Variants in PTPRT observed in about 807,000 individuals in gnomAD.
PTPRT encodes protein tyrosine phosphatase receptor type T, also known as receptor-type tyrosine-protein phosphatase T.
A neutral mutation model predicts 176.8 loss-of-function variants in PTPRT; 56 were observed. The ratio of observed to expected loss-of-function variants is 0.32; its 90% CI spans 0.26 to 0.40. The LOEUF is 0.40. Ranked by LOEUF, PTPRT falls within the 10% of genes least tolerant of loss-of-function variation. The probability of loss-of-function intolerance (pLI) is 1.00; values close to 1 mark genes in which losing one functional copy is unlikely to be tolerated. For synonymous variants in PTPRT, 783 were observed against 739.0 expected (o/e 1.06, Z -0.96); for missense variants, 1,540 against 1,908.2 (o/e 0.81, Z 3.60).
intron 2 of PTPRT, among the ~76,000 whole-genome samples, chr20:42,858,113 C>A (rs190819860): frequency 6.6e-6 from 1 of 152,116 alleles, no homozygotes; most frequent in East Asian, 1.9e-4. Flanking sequence ...CATGGATCTG[C>A]CTACCTGTCT....
At chr20:42,848,929 G>T (rs1036214201) in intron 2 of PTPRT, among the ~76,000 whole-genome samples, 8 of 152,150 alleles carry the variant, frequency 5.3e-5, no homozygotes, top group African/African-American at 9.7e-5. Flanking sequence ...TTATCTTCTA[G>T]AATTTTTATG....
intron 1 of PTPRT, among the ~76,000 whole-genome samples, chr20:43,085,769 T>C (rs2011587244): frequency 6.6e-6 from 1 of 152,148 alleles, no homozygotes; most frequent in Non-Finnish European, 1.5e-5. Flanking sequence ...ATGTGAGAAT[T>C]ACAGGAGCTA....
At chr20:42,345,303 T>G (rs2058171865) in intron 11 of PTPRT, among the ~76,000 whole-genome samples, 1 of 151,680 alleles carries the variant, frequency 6.6e-6, no homozygotes, top group African/African-American at 2.4e-5. Flanking sequence ...GACATTTCTG[T>G]AACTGCAGAA....
chr20:43,081,278 A>T (rs2011434930), intron 1 of PTPRT, among the ~76,000 whole-genome samples: 1 of 152,210 alleles, frequency 6.6e-6, no homozygotes, highest in South Asian at 2.1e-4. Flanking sequence ...AGTTTTTGCC[A>T]TCATTTCCAT....
chr20:42,493,719 C>T (rs1851043895), intron 7 of PTPRT, among the ~76,000 whole-genome samples: 1 of 152,068 alleles, frequency 6.6e-6, no homozygotes, highest in South Asian at 2.1e-4. Context: ...GCCTTCTTAA[C>T]CACATCCATC....
At chr20:42,418,179 T>C (rs1435708872) in intron 9 of PTPRT, among the ~76,000 whole-genome samples, 5 of 152,242 alleles carry the variant, frequency 3.3e-5, no homozygotes, top group African/African-American at 1.2e-4. Flanking sequence ...GTATAAAATA[T>C]CTTGTTCATA....
intron 6 of PTPRT, among the ~76,000 whole-genome samples, chr20:42,739,621 C>A (rs1388689601): frequency 1.3e-5 from 2 of 152,120 alleles, no homozygotes; most frequent in Non-Finnish European, 2.9e-5. Context: ...CTGAGAGGGA[C>A]TGAGACTCTG....
At chr20:43,120,329 T>C (rs1199597411) in intron 1 of PTPRT, among the ~76,000 whole-genome samples, 2 of 151,872 alleles carry the variant, frequency 1.3e-5, no homozygotes, top group Admixed American at 1.3e-4. Context: ...TGGAGTGCAG[T>C]GGCGCGACCT....
At chr20:42,040,851 A>G in the PTPRT span, among the ~76,000 whole-genome samples, 34 of 152,312 alleles carry the variant, frequency 2.2e-4, no homozygotes, top group East Asian at 6.6e-3. Context: ...AGGGGGTGTT[A>G]TCTTGGCTGT....
chr20:42,796,408 A>C (rs1396355586), intron 2 of PTPRT, among the ~76,000 whole-genome samples: 2 of 152,210 alleles, frequency 1.3e-5, no homozygotes, highest in African/African-American at 4.8e-5. Context: ...AAAGCATAAC[A>C]AATTACATCC....
At chr20:42,628,997 A>C (rs1022660074) in intron 7 of PTPRT, among the ~76,000 whole-genome samples, 2 of 152,194 alleles carry the variant, frequency 1.3e-5, no homozygotes, top group Admixed American at 1.3e-4. Flanking sequence ...TTAACTCAAA[A>C]GGCCATAATT....
At chr20:42,803,962 G>A (rs1436752163) in intron 2 of PTPRT, among the ~76,000 whole-genome samples, 1 of 152,218 alleles carries the variant, frequency 6.6e-6, no homozygotes, top group East Asian at 1.9e-4. Flanking sequence ...CCAGCTGGGA[G>A]TGCGGTCCTT....
chr20:42,461,202 C>T (rs1205516979), intron 8 of PTPRT, among the ~76,000 whole-genome samples: 7 of 152,170 alleles, frequency 4.6e-5, no homozygotes, highest in African/African-American at 1.4e-4. Context: ...TGGCACATGC[C>T]TGCAATCCCA....
chr20:42,370,314 G>A (rs1212311667), intron 9 of PTPRT, among the ~76,000 whole-genome samples: 1 of 152,180 alleles, frequency 6.6e-6, no homozygotes, highest in African/African-American at 2.4e-5. Context: ...AACGGCCAGC[G>A]ACAGGAGTCA....
At chr20:42,527,120 T>C (rs2072288833) in intron 7 of PTPRT, among the ~76,000 whole-genome samples, 4 of 151,958 alleles carry the variant, frequency 2.6e-5, no homozygotes, top group Admixed American at 1.3e-4. Context: ...CCTGCCACTA[T>C]GTCCAGCTAA....
intron 6 of PTPRT, among the ~76,000 whole-genome samples, chr20:42,736,794 G>T (rs1289974288): frequency 1.3e-5 from 2 of 151,974 alleles, no homozygotes; most frequent in African/African-American, 4.8e-5. Context: ...TAAGACAAAG[G>T]AAGAAACTAA....
intron 7 of PTPRT, among the ~76,000 whole-genome samples, chr20:42,557,117 A>G (rs2072874415): frequency 6.6e-6 from 1 of 152,186 alleles, no homozygotes; most frequent in African/African-American, 2.4e-5. Flanking sequence ...TTCCATGGAA[A>G]GGCTGTATTG....
chr20:42,493,111 A>G (rs898785243), intron 7 of PTPRT, among the ~76,000 whole-genome samples: 5 of 152,184 alleles, frequency 3.3e-5, no homozygotes, highest in Non-Finnish European at 1.5e-5. Context: ...TTTAAATACT[A>G]TGTGCCAGGG....
rs1437042977 is a variant in PTPRT, at chr20:42,859,477, AT to A, written c.214+26329del. Among the ~76,000 whole-genome samples the A allele has an allele frequency of 3.3e-5, 5 of 150,968 alleles. No individual in the cohort carries two copies. In the East Asian group the frequency reaches 9.8e-4, roughly 29 times the overall value. On this transcript the variant is annotated intron_variant, in intron 2 of 30. Transcript: ENST00000373187. Reference sequence around the variant, plus strand: ...AACACTGATGTGTGTCTGCCGGATTATTTTTCCTTTTACTGATTTTTAAAAC... The same window carrying A: ...AACACTGATGTGTGTCTGCCGGATTATTTTCCTTTTACTGATTTTTAAAAC...
Sources: allele counts gnomAD v4.1 joint callset (sites outside exome capture counted in the v4.1 genomes callset), GRCh38; gene constraint gnomAD v4.1.1; transcripts MANE v1.5; gene names NCBI Gene and HGNC (gene_info 2026-07-23, HGNC 2026-07-21).